Variants in ZNF707 observed in about 807,000 individuals in gnomAD.
ZNF707 encodes zinc finger protein 707.
In ZNF707, 8 loss-of-function variants were observed where a neutral mutation model predicts 13.3. The ratio of observed to expected loss-of-function variants is 0.60; its 90% CI spans 0.35 to 1.09. The LOEUF (loss-of-function observed/expected upper bound fraction) is 1.09, where lower values mean the gene tolerates loss of function less well. Among genes scored for constraint, ZNF707 ranks in the 50% least tolerant of loss-of-function variants. The probability of loss-of-function intolerance (pLI) is 0.02; values close to 1 mark genes in which losing one functional copy is unlikely to be tolerated. For synonymous variants in ZNF707, 225 were observed against 205.6 expected (o/e 1.09, Z -0.81); for missense variants, 530 against 512.6 (o/e 1.03, Z -0.33).
chr8:143,691,412 G>A (rs1197993906), intron 4 of ZNF707, 188 bp from the exon 5 acceptor site: 13 of 1,061,216 alleles, frequency 1.2e-5, no homozygotes, highest in Admixed American at 2.9e-5. Flanking sequence ...CTCTGACCTT[G>A]CCAGGGCCTT....
chr8:143,694,693 C>A lies in ZNF707; in HGVS notation c.*163C>A. The A allele has an allele frequency of 1.2e-6, 1 of 806,992 alleles. No individual in the cohort carries two copies. Among genetic ancestry groups the A allele is most frequent in the Non-Finnish European group, 1.9e-6 (1 of 539,048 alleles). 50.0% of individuals were successfully genotyped at this position (806,992 alleles called of 1,614,324 possible). On this transcript the variant is annotated 3_prime_UTR_variant, in exon 6 of 6. Coordinates refer to ENST00000358656, the MANE Select transcript of ZNF707 (RefSeq NM_001100598.2). This position sits in a 1 kb window ranked among gnomAD's most constrained non-coding sequence, Gnocchi z 4.4. ...TCCCCCGAGAAGTTTACTGGGAAAA[C>A]TGCCAGGTGGGAGAAGCAGAGCCAT...
At chr8:143,690,851 T>C (rs1816740305) in intron 3 of ZNF707, 2 of 616,306 alleles carry the variant, frequency 3.2e-6, no homozygotes, top group Non-Finnish European at 5.5e-6. Context: ...GGTCCATGGG[T>C]CAGGGCCCCT....
chr8:143,693,933 G>C lies in ZNF707; in HGVS notation c.519G>C (p.Glu173Asp). 1 of 1,607,368 alleles carries C rather than the reference G, an allele frequency of 6.2e-7. No homozygotes were observed. Among genetic ancestry groups the C allele is most frequent in the South Asian group, 1.1e-5 (1 of 90,580 alleles). Residue 173 changes from glutamate (E) to aspartate (D), a missense_variant, in exon 6 of 6, where the codon GAG becomes GAC. Physicochemically the swap from Glu to Asp is conservative, Grantham distance 45 (BLOSUM62 2). Coordinates refer to ENST00000358656, the MANE Select transcript of ZNF707 (RefSeq NM_001100598.2). This position sits in a 1 kb window ranked among gnomAD's most constrained non-coding sequence, Gnocchi z 4.1. ...RRERRKQRAVELSFICGTCGK... is the reference protein window; with the variant it reads ...RRERRKQRAVDLSFICGTCGK... Reference sequence around the variant, plus strand: ...AGCGCCGGAAGCAGCGCGCAGTAGAGCTGTCATTCATCTGCGGCACGTGCG... The same window carrying C: ...AGCGCCGGAAGCAGCGCGCAGTAGACCTGTCATTCATCTGCGGCACGTGCG...
At chr8:143,690,987 C>A in intron 3 of ZNF707, 86 bp from the exon 4 acceptor site, 1 of 1,537,744 alleles carries the variant, frequency 6.5e-7, no homozygotes, top group Non-Finnish European at 8.8e-7. Context: ...CGCAGGGCCA[C>A]TCCCATTCCC....
At chr8:143,690,354 G>A in intron 3 of ZNF707, 3 of 554,026 alleles carry the variant, frequency 5.4e-6, no homozygotes, top group East Asian at 3.1e-5. Context: ...GGTGGATCTC[G>A]AGGTCAGGAG....
chr8:143,691,983 C>T, intron 5 of ZNF707: 1 of 1,449,036 alleles, frequency 6.9e-7, no homozygotes, highest in South Asian at 1.2e-5. Context: ...TGGAGTGACA[C>T]TTGAAGCCTG....
chr8:143,692,504 G>A (rs1226505658), intron 5 of ZNF707, among the ~76,000 whole-genome samples: 2 of 92,284 alleles, frequency 2.2e-5, no homozygotes, highest in Admixed American at 1.0e-4. Flanking sequence ...TGGAGCCCCC[G>A]GCTGGGGAGG....
chr8:143,691,475 T>G, intron 4 of ZNF707, 125 bp from the exon 5 acceptor site: 1 of 1,128,392 alleles, frequency 8.9e-7, no homozygotes. Flanking sequence ...TGCTTTGGGG[T>G]GGCTTCTCCA....
chr8:143,693,996 C>T lies in ZNF707; in HGVS notation c.582C>T (p.His194=). 2 of 1,604,150 alleles carry T rather than the reference C, an allele frequency of 1.2e-6. No homozygotes were observed. The highest frequency in any genetic ancestry group is 1.1e-5 in the South Asian group (1 of 90,082). The change falls in exon 6 of 6, where the codon CAC becomes CAT. Residue 194 remains histidine (H), a synonymous_variant. Transcript: ENST00000358656. This position sits in a 1 kb window ranked among gnomAD's most constrained non-coding sequence, Gnocchi z 4.1. Reference sequence around the variant, plus strand: ...GCTGCCACAGCCGGCTGCTCGCTCACCAGACGGTGCACACGGGAACCAAGG... The same window carrying T: ...GCTGCCACAGCCGGCTGCTCGCTCATCAGACGGTGCACACGGGAACCAAGG... ...ALSCHSRLLA[H]QTVHTGTKAF...
chr8:143,691,900 T>G, intron 5 of ZNF707, 187 bp downstream of exon 5: 1 of 1,029,470 alleles, frequency 9.7e-7, no homozygotes, highest in Non-Finnish European at 1.4e-6. Context: ...TGATGGACAC[T>G]GGCCGGGGGT....
chr8:143,693,826 C>T lies in ZNF707; in HGVS notation c.412C>T (p.Pro138Ser), dbSNP rs1554614343. Residue 138 changes from proline (P) to serine (S), a missense_variant, in exon 6 of 6, where the codon CCA (proline) becomes TCA (serine). By Grantham distance (74) the Pro-to-Ser change is moderately conservative. Coordinates refer to ENST00000358656, the MANE Select transcript of ZNF707 (RefSeq NM_001100598.2). This position sits in a 1 kb window ranked among gnomAD's most constrained non-coding sequence, Gnocchi z 4.1. The part of the protein sequence containing the change: ...TDDGQLPRAA[P>S]ERTDAKPTAF... The stretch of plus-strand genomic sequence containing the variant: ...TGACGGGCAGCTTCCCAGAGCTGCT[C>T]CAGAAAGGACAGACGCCAAGCCCAC... 1 of 1,612,564 alleles carries T rather than the reference C, an allele frequency of 6.2e-7. No individual in the cohort carries two copies. The highest frequency in any genetic ancestry group is 1.1e-5 in the South Asian group (1 of 91,082).
intron 2 of ZNF707, among the ~76,000 whole-genome samples, chr8:143,689,668 G>A (rs1051531803): frequency 5.3e-5 from 8 of 152,190 alleles, no homozygotes; most frequent in African/African-American, 1.7e-4. Context: ...CGGGCTGCCC[G>A]CCTGTCTCCT....
chr8:143,694,453 G>C lies in ZNF707; in HGVS notation c.1039G>C (p.Gly347Arg), dbSNP rs559876557. Residue 347 changes from glycine to arginine, a missense_variant, in exon 6 of 6, where the codon GGC becomes CGC. Coordinates refer to ENST00000358656, the MANE Select transcript of ZNF707 (RefSeq NM_001100598.2). The surrounding 1 kb of genome is among the most constrained non-coding windows in gnomAD (Gnocchi z 4.4). ...CCTGACGAAGAGGTTCTACGAGTGCGGCCACTGTGGGAAAGGCTTCCGTCA... is the reference window on the plus strand; with the variant it reads ...CCTGACGAAGAGGTTCTACGAGTGCCGCCACTGTGGGAAAGGCTTCCGTCA... ...LHLTKRFYEC[G>R]HCGKGFRHLG... 1 of 1,611,986 alleles carries C rather than the reference G, an allele frequency of 6.2e-7. No individual in the cohort carries two copies. Among genetic ancestry groups the C allele is most frequent in the Non-Finnish European group, 8.5e-7 (1 of 1,179,372 alleles).
At chr8:143,692,329 A>C (rs1014403040) in intron 5 of ZNF707, 1 of 1,284,086 alleles carries the variant, frequency 7.8e-7, no homozygotes. Context: ...TCAGGTTCCT[A>C]GGTGTGTGGA....
chr8:143,694,402 G>A lies in ZNF707; in HGVS notation c.988G>A (p.Gly330Ser), dbSNP rs782718868. ...ECGKSFRWPK[G>S]FSIHRRLHLT... ...CGGCAAGTCCTTCCGGTGGCCCAAG[G>A]GCTTCAGCATCCACCGGAGGCTGCA... The change falls in exon 6 of 6, where the codon GGC becomes AGC. Residue 330 changes from glycine (G) to serine (S), a missense_variant. Physicochemically the swap from Gly to Ser is moderately conservative, Grantham distance 56. Transcript: ENST00000358656. This position sits in a 1 kb window ranked among gnomAD's most constrained non-coding sequence, Gnocchi z 4.4. 1.6e-5 allele frequency: 25 copies of A among 1,612,390 alleles called. No individual in the cohort carries two copies. Among genetic ancestry groups the A allele is most frequent in the Non-Finnish European group, 2.0e-5 (24 of 1,179,596 alleles).
intron 1 of ZNF707, among the ~76,000 whole-genome samples, chr8:143,685,528 TAAA>T (rs71318618): frequency 0.044 from 5,694 of 128,272 alleles, 384 homozygotes; most frequent in African/African-American, 0.15. Context: ...ATCATCTTAT[TAAA>T]AAAAAAAAAA....
At chr8:143,691,871 G>T in intron 5 of ZNF707, 158 bp downstream of exon 5, 1 of 953,096 alleles carries the variant, frequency 1.0e-6, no homozygotes, top group Non-Finnish European at 1.6e-6. Flanking sequence ...GAGACGTAGG[G>T]GCAGCCACGC....
chr8:143,690,616 G>A (rs1554613271), intron 3 of ZNF707, among the ~76,000 whole-genome samples: 1 of 152,122 alleles, frequency 6.6e-6, no homozygotes, highest in Non-Finnish European at 1.5e-5. Flanking sequence ...GGAGAGTAGT[G>A]GCTGTTGTAG....
rs782727804 is a variant in ZNF707, at chr8:143,694,266, G to C, written c.852G>C (p.Gly284=). ...TCAGACACCAGCTGGTGCACACCGG[G>C]GAGCGGCCGTTCTACTGCGCGGACT... ...NLLRHQLVHT[G]ERPFYCADCG... The change falls in exon 6 of 6, where the codon GGG becomes GGC. Residue 284 remains glycine, a synonymous_variant. Transcript: ENST00000358656. The surrounding 1 kb of genome is among the most constrained non-coding windows in gnomAD (Gnocchi z 4.4). 3.1e-6 allele frequency: 5 copies of C among 1,593,878 alleles called. No homozygotes were observed. In the Admixed American group the frequency reaches 8.6e-5, roughly 28 times the overall value.
Sources: gnomAD v4.1 joint callset for allele counts (sites outside exome capture counted in the v4.1 genomes callset) on GRCh38, gnomAD v4.1.1 for gene constraint, Gnocchi (gnomAD v3.1) non-coding constraint, MANE v1.5 for transcripts, NCBI Gene and HGNC (gene_info 2026-07-23, HGNC 2026-07-21) for gene names.